Variants in PCDH15 observed in about 807,000 individuals in gnomAD.
PCDH15 encodes protocadherin-15.
In PCDH15, 129 loss-of-function variants were observed where a neutral mutation model predicts 178.5. The observed-to-expected ratio is 0.72, with a 90% CI of 0.63 to 0.84. The LOEUF is 0.84. PCDH15 is among the 40% of genes least tolerant of loss of function. PCDH15 has a pLI of 0.00. For missense variants in PCDH15, 2,230 were observed against 2,099.9 expected, an observed-to-expected ratio of 1.06 and a Z score of -1.21; for synonymous variants, 800 against 732.0, an observed-to-expected ratio of 1.09 and a Z score of -1.50.
chr10:55,116,224 T>A (rs1290566812), intron 2 of PCDH15, among the ~76,000 whole-genome samples: 4 of 152,164 alleles, frequency 2.6e-5, no homozygotes, highest in African/African-American at 9.7e-5. Context: ...GGCTTATATA[T>A]TACTGTTTGA....
intron 2 of PCDH15, among the ~76,000 whole-genome samples, chr10:55,328,086 G>T (rs1186363983): frequency 6.6e-6 from 1 of 151,922 alleles, no homozygotes; most frequent in Non-Finnish European, 1.5e-5. Flanking sequence ...AACTTTGTAT[G>T]CTGTTAGTTG....
chr10:55,007,863 A>G (rs557076231), intron 2 of PCDH15, among the ~76,000 whole-genome samples: 1 of 152,286 alleles, frequency 6.6e-6, no homozygotes, highest in African/African-American at 2.4e-5. Context: ...TTAACCATAA[A>G]TATGACTAAA....
intron 2 of PCDH15, among the ~76,000 whole-genome samples, chr10:55,479,192 A>C (rs1201629609): frequency 2.6e-5 from 4 of 151,642 alleles, no homozygotes; most frequent in African/African-American, 9.7e-5. Flanking sequence ...CAACATAAAA[A>C]GATAACTTCA....
intron 1 of PCDH15, among the ~76,000 whole-genome samples, chr10:55,182,367 A>C (rs1433943878): frequency 6.6e-6 from 1 of 151,954 alleles, no homozygotes; most frequent in African/African-American, 2.4e-5. Context: ...CACCTAAACA[A>C]ACACATATGT....
At chr10:54,678,791 T>C (rs371106647) in intron 1 of PCDH15, among the ~76,000 whole-genome samples, 1 of 152,278 alleles carries the variant, frequency 6.6e-6, no homozygotes, top group East Asian at 1.9e-4. Context: ...CATCTATATA[T>C]GGCAGGAAAT....
intron 9 of PCDH15, among the ~76,000 whole-genome samples, chr10:54,218,729 C>T (rs2052387964): frequency 1.3e-5 from 2 of 151,380 alleles, no homozygotes; most frequent in Non-Finnish European, 2.9e-5. Flanking sequence ...ACTATTATAC[C>T]ACCTATGAAA....
chr10:55,571,110 T>C (rs942160140), intron 2 of PCDH15, among the ~76,000 whole-genome samples: 4 of 152,038 alleles, frequency 2.6e-5, no homozygotes, highest in African/African-American at 9.7e-5. Context: ...CATGAATACC[T>C]TCGTGCCTTC....
chr10:55,274,801 A>G (rs934192475), intron 1 of PCDH15, among the ~76,000 whole-genome samples: 1 of 152,080 alleles, frequency 6.6e-6, no homozygotes, highest in African/African-American at 2.4e-5. Context: ...ATCATCAGGC[A>G]TTGTATTCTC....
At chr10:53,868,083 A>T (rs549487380) in intron 26 of PCDH15, among the ~76,000 whole-genome samples, 2 of 152,188 alleles carry the variant, frequency 1.3e-5, no homozygotes, top group East Asian at 3.9e-4. Context: ...TAGAATGTCT[A>T]TTTCAGAACC....
intron 3 of PCDH15, among the ~76,000 whole-genome samples, chr10:54,484,195 A>G (rs1201596079): frequency 6.6e-6 from 1 of 151,924 alleles, no homozygotes; most frequent in East Asian, 1.9e-4. Flanking sequence ...GAGAAAAAAT[A>G]TACATACACC....
At chr10:54,373,133 C>G (rs903199940) in intron 4 of PCDH15, among the ~76,000 whole-genome samples, 8 of 151,824 alleles carry the variant, frequency 5.3e-5, no homozygotes, top group African/African-American at 1.9e-4. Flanking sequence ...GATTATAGCA[C>G]AAATCTTCAA....
At chr10:54,001,639 CAGGAAGGAA>C (rs1342161688) in intron 20 of PCDH15, among the ~76,000 whole-genome samples, 1 of 151,450 alleles carries the variant, frequency 6.6e-6, no homozygotes, top group Non-Finnish European at 1.5e-5. Flanking sequence ...TAAAGGAAGA[CAGGAAGGAA>C]AGAAAGAAAG....
chr10:54,151,752 AAT>A (rs1279161674), intron 14 of PCDH15, among the ~76,000 whole-genome samples: 2 of 152,150 alleles, frequency 1.3e-5, no homozygotes, highest in Non-Finnish European at 2.9e-5. Context: ...CTAAGTAATT[AAT>A]ATATAAATCT....
At chr10:54,361,159 T>C (rs1222486652) in intron 5 of PCDH15, among the ~76,000 whole-genome samples, 1 of 152,034 alleles carries the variant, frequency 6.6e-6, no homozygotes, top group Non-Finnish European at 1.5e-5. Context: ...CTCAGGTCCC[T>C]AATTGACCCT....
chr10:54,487,366 A>G (rs2079183167), intron 3 of PCDH15, among the ~76,000 whole-genome samples: 1 of 152,042 alleles, frequency 6.6e-6, no homozygotes, highest in African/African-American at 2.4e-5. Context: ...ATTGGGGTTC[A>G]CCATGGGAAA....
chr10:54,216,420 G>C (rs565356362), intron 9 of PCDH15, among the ~76,000 whole-genome samples: 1 of 152,170 alleles, frequency 6.6e-6, no homozygotes, highest in African/African-American at 2.4e-5. Flanking sequence ...TTGTGCCACT[G>C]CACTCCAGCC....
At chr10:55,474,268 C>CTA (rs1840020281) in intron 2 of PCDH15, among the ~76,000 whole-genome samples, 1 of 152,052 alleles carries the variant, frequency 6.6e-6, no homozygotes, top group Non-Finnish European at 1.5e-5. Flanking sequence ...AGAGATCTTA[C>CTA]TACAGTACAT....
At chr10:54,416,704 G>A (rs139528045) in intron 3 of PCDH15, among the ~76,000 whole-genome samples, 19 of 152,238 alleles carry the variant, frequency 1.2e-4, no homozygotes, top group African/African-American at 4.3e-4. Context: ...TCACCATACT[G>A]TCTTCCACAA....
intron 1 of PCDH15, among the ~76,000 whole-genome samples, chr10:55,308,433 C>A (rs1229975845): frequency 6.6e-6 from 1 of 152,180 alleles, no homozygotes; most frequent in Non-Finnish European, 1.5e-5. Flanking sequence ...AATGCATCAG[C>A]TGGACAGGAA....
Sources: gnomAD v4.1 joint callset for allele counts (sites outside exome capture counted in the v4.1 genomes callset) on GRCh38, gnomAD v4.1.1 for gene constraint, MANE v1.5 for transcripts, NCBI Gene and HGNC (gene_info 2026-07-23, HGNC 2026-07-21) for gene names.